The following GAS6 variants were observed in gnomAD, a reference collection of about 807,000 sequenced individuals.
GAS6 encodes growth arrest-specific protein 6.
GAS6 carries 41 observed loss-of-function variants against 75.8 expected under a neutral mutation model. The observed-to-expected ratio is 0.54, with a 90% CI of 0.42 to 0.70. The LOEUF (loss-of-function observed/expected upper bound fraction) is 0.70. Among genes scored for constraint, GAS6 ranks in the 30% least tolerant of loss-of-function variants. The probability of loss-of-function intolerance (pLI) is 0.00; values close to 1 mark genes in which losing one functional copy is unlikely to be tolerated. For missense variants in GAS6, 854 were observed against 940.2 expected (o/e 0.91, Z 1.20); for synonymous variants, 432 against 412.6 (o/e 1.05, Z -0.57).
intron 2 of GAS6, among the ~76,000 whole-genome samples, chr13:113,856,762 G>C (rs534986518): frequency 2.0e-5 from 3 of 152,200 alleles, no homozygotes; most frequent in Non-Finnish European, 4.4e-5. Flanking sequence ...AGCCCACTGC[G>C]CCTCCCTGAG....
At chr13:113,855,628 G>A (rs377508253) in intron 2 of GAS6, among the ~76,000 whole-genome samples, 1 of 152,284 alleles carries the variant, frequency 6.6e-6, no homozygotes, top group African/African-American at 2.4e-5. Flanking sequence ...TGCTTGGGAC[G>A]CCGGTGTGCC....
chr13:113,857,708 A>G (rs2051925323), intron 2 of GAS6, among the ~76,000 whole-genome samples: 1 of 152,236 alleles, frequency 6.6e-6, no homozygotes, highest in African/African-American at 2.4e-5. Context: ...GCTTCCTAAA[A>G]GAGTGTTTTG....
At chr13:113,827,226 C>T (rs1594190790) in intron 11 of GAS6, 62 bp from the exon 12 acceptor site, 3 of 1,568,836 alleles carry the variant, frequency 1.9e-6, no homozygotes, top group African/African-American at 2.7e-5. Context: ...CCGGATGCCC[C>T]AGTCGGTGGG....
intron 2 of GAS6, among the ~76,000 whole-genome samples, chr13:113,859,212 G>C (rs1594211415): frequency 1.0e-5 from 1 of 97,444 alleles, no homozygotes; most frequent in Non-Finnish European, 2.1e-5. Context: ...GTGTGTGACT[G>C]TGTACGTATG....
Position 113,820,870 on chromosome 13 carries a change from T to A in GAS6, c.2031A>T (p.Ala677=). 6.2e-7 allele frequency: 1 copy of A among 1,609,972 alleles called. No individual in the cohort carries two copies. Among genetic ancestry groups the A allele is most frequent in the South Asian group, 1.1e-5 (1 of 90,978 alleles). ...AHSCPPVEPA[A]A ...TGCCGCGTCCCGTGGGGGCCTAGGC[T>A]GCGGCGGGCTCCACGGGGGGGCAGG... is the stretch of plus-strand genomic sequence containing the variant. The change falls in exon 15 of 15, where the codon GCA becomes GCT. Residue 677 remains alanine, a synonymous_variant. Transcript: ENST00000327773.
At chr13:113,827,250 G>A in intron 11 of GAS6, 86 bp from the exon 12 acceptor site, 6 of 1,352,734 alleles carry the variant, frequency 4.4e-6, no homozygotes, top group South Asian at 2.6e-5. Flanking sequence ...CGCCTTCGCG[G>A]CCCTGGTATG....
intron 14 of GAS6, chr13:113,821,512 C>A (rs1247225564): frequency 4.2e-6 from 1 of 235,670 alleles, no homozygotes; most frequent in Non-Finnish European, 8.3e-6. Context: ...CGGTCCCAGC[C>A]TCTGTGCTGT....
At chr13:113,861,628 A>T (rs2051971899) in intron 2 of GAS6, among the ~76,000 whole-genome samples, 1 of 151,992 alleles carries the variant, frequency 6.6e-6, no homozygotes, top group South Asian at 2.1e-4. Context: ...GATGCAGTGG[A>T]GACTAGGGTC....
At chr13:113,858,039 G>A (rs183899425) in intron 2 of GAS6, among the ~76,000 whole-genome samples, 1 of 152,378 alleles carries the variant, frequency 6.6e-6, no homozygotes, top group African/African-American at 2.4e-5. Flanking sequence ...CAGGGCTCCG[G>A]CCCCTCAGGC....
chr13:113,827,446 T>C (rs2051564851), intron 11 of GAS6, among the ~76,000 whole-genome samples: 2 of 152,360 alleles, frequency 1.3e-5, no homozygotes, highest in Non-Finnish European at 1.5e-5. Flanking sequence ...TCAAAGAGTA[T>C]GGATTGTTCA....
At chr13:113,857,450 A>T (rs2051923593) in intron 2 of GAS6, among the ~76,000 whole-genome samples, 1 of 152,246 alleles carries the variant, frequency 6.6e-6, no homozygotes. Context: ...ACTGGAATAT[A>T]AAAACCATGG....
At chr13:113,821,926 C>T (rs1247690101) in intron 14 of GAS6, 32 bp downstream of exon 14, 1 of 1,483,872 alleles carries the variant, frequency 6.7e-7, no homozygotes, top group South Asian at 1.3e-5. Context: ...TGGAGCTCTT[C>T]ACCCGGGTTG....
chr13:113,834,913 T>C (rs2051682712), intron 7 of GAS6: 3 of 404,428 alleles, frequency 7.4e-6, no homozygotes, highest in Non-Finnish European at 1.3e-5. Context: ...CCCAGGAGGG[T>C]GCTCCCAACG....
In GAS6 at chr13:113,822,078, G is replaced by A. The variant is rs769949299; in HGVS notation, c.1762C>T (p.Leu588=). ...TGGCCCCTGGTGCCGTCCACCTCCA[G>A]GGTGGCCTCACCGTCCCTCAGCGAG... is the stretch of plus-strand genomic sequence containing the variant. ...TVSLRDGEAT[L]EVDGTRGQSE... The change falls in exon 14 of 15, where the codon CTG becomes TTG. Residue 588 remains leucine, a synonymous_variant. Coordinates refer to ENST00000327773, the MANE Select transcript of GAS6 (RefSeq NM_000820.4). The A allele has an allele frequency of 6.3e-7, 1 of 1,594,894 alleles. No homozygotes were observed. The highest frequency in any genetic ancestry group is 8.5e-7 in the Non-Finnish European group (1 of 1,172,768).
chr13:113,838,625 G>A (rs1594200921), intron 5 of GAS6, among the ~76,000 whole-genome samples: 1 of 108,486 alleles, frequency 9.2e-6, no homozygotes, highest in South Asian at 4.1e-4. Flanking sequence ...GGAGCCCGGG[G>A]GTGCACAGCC....
rs757181020 is a variant in GAS6, at chr13:113,835,411, C to A, written c.712+102G>T. On this transcript the variant is annotated intron_variant, in intron 7 of 14. Transcript: ENST00000327773. The stretch of plus-strand genomic sequence containing the variant: ...ACAGGGAGAAAGAGACTTTCTTTCA[C>A]CAGAAGCACCCGGTTGTTAGCAACC... 2.3e-5 allele frequency: 31 copies of A among 1,376,306 alleles called. No homozygotes were observed. The African/African-American group carries it at 3.2e-4, about 14-fold the overall frequency. The allele number at this position is 1,376,306 out of a possible 1,614,324, so 85.3% of individuals were successfully genotyped here. A position where few individuals can be genotyped will look rare whatever the true frequency, so the allele number is the denominator to read the frequency against.
chr13:113,846,353 G>A (rs1040898427), intron 4 of GAS6, among the ~76,000 whole-genome samples, 174 bp downstream of exon 4: 2 of 152,150 alleles, frequency 1.3e-5, no homozygotes, highest in Admixed American at 6.5e-5. Flanking sequence ...TGCTAAAAAC[G>A]TCAAAATTTA....
intron 12 of GAS6, among the ~76,000 whole-genome samples, chr13:113,826,553 A>G (rs1328468646): frequency 3.5e-4 from 35 of 99,108 alleles, no homozygotes; most frequent in Non-Finnish European, 5.3e-4. Context: ...CCTCGCAGGC[A>G]CCTTCTCTCC....
intron 13 of GAS6, 85 bp from the exon 14 acceptor site, chr13:113,822,271 C>G: frequency 9.3e-7 from 1 of 1,075,086 alleles, no homozygotes; most frequent in Non-Finnish European, 1.3e-6. Context: ...CAGCTGCTGG[C>G]CACCCCTACG....
Sources: gnomAD v4.1 joint callset for allele counts (sites outside exome capture counted in the v4.1 genomes callset) on GRCh38, gnomAD v4.1.1 for gene constraint, MANE v1.5 for transcripts, NCBI Gene and HGNC (gene_info 2026-07-23, HGNC 2026-07-21) for gene names.